Variants in MBTD1 observed in about 807,000 individuals in gnomAD.
MBTD1 encodes the protein mbt domain containing 1.
MBTD1 carries 24 observed loss-of-function variants against 87.8 expected under a neutral mutation model. The ratio of observed to expected loss-of-function variants is 0.27; its 90% confidence interval spans 0.20 to 0.38. The LOEUF is 0.38. Among genes scored for constraint, MBTD1 ranks in the 10% least tolerant of loss-of-function variants. The pLI, the probability that MBTD1 is intolerant of heterozygous loss-of-function variation, is 1.00. For synonymous variants in MBTD1, 237 were observed against 248.6 expected (o/e 0.95, Z 0.44); for missense variants, 436 against 760.2 (o/e 0.57, Z 5.02).
chr17:51,259,259 TCCA>T (rs1427451773), intron 1 of MBTD1, 53 bp from the exon 2 acceptor site: 4 of 1,231,794 alleles, frequency 3.2e-6, no homozygotes, highest in Non-Finnish European at 4.0e-6. Flanking sequence ...GTCACAGAAG[TCCA>T]CCGACTTGAA....
chr17:51,202,981 C>T (rs775111116), intron 9 of MBTD1, 46 bp from the exon 10 acceptor site: 1 of 1,482,246 alleles, frequency 6.7e-7, no homozygotes, highest in Non-Finnish European at 9.4e-7. Flanking sequence ...TGACAAAGGT[C>T]TACAAGAAAT....
intron 8 of MBTD1, among the ~76,000 whole-genome samples, chr17:51,203,560 A>G (rs1331256598): frequency 6.6e-6 from 1 of 152,044 alleles, no homozygotes; most frequent in Non-Finnish European, 1.5e-5. Flanking sequence ...ATGCACCACC[A>G]TGCCCAGCTA....
At position 51,177,528 on chromosome 17, in the gene MBTD1, A is replaced by C. The variant is rs1430808975; in HGVS notation, c.*3048T>G. 6.6e-6 allele frequency: 1 copy of C among 152,246 alleles called. No homozygotes were observed. The highest frequency in any genetic ancestry group is 1.9e-4 in the East Asian group (1 of 5,206). 9.4% of individuals were successfully genotyped at this position (152,246 alleles called of 1,614,324 possible). On this transcript the variant is annotated 3_prime_UTR_variant, in exon 17 of 17. Transcript: ENST00000586178. ...TTAATGCTTTTCACATCCATGCTGA[A>C]AATTTGCAATTTGGTAAAAATGAAA...
chr17:51,199,378 T>C (rs549060056), intron 12 of MBTD1, among the ~76,000 whole-genome samples: 3 of 151,934 alleles, frequency 2.0e-5, no homozygotes, highest in African/African-American at 7.2e-5. Flanking sequence ...GTAATTGTAA[T>C]AAAAAAAGGG....
At chr17:51,213,175 A>T (rs747342437) in intron 6 of MBTD1, among the ~76,000 whole-genome samples, 47 of 152,108 alleles carry the variant, frequency 3.1e-4, no homozygotes, top group Non-Finnish European at 1.9e-4. Context: ...AGTAGCTGGG[A>T]CTACAGGCAT....
At chr17:51,214,057 A>T (rs1196220276) in intron 6 of MBTD1, among the ~76,000 whole-genome samples, 1 of 152,156 alleles carries the variant, frequency 6.6e-6, no homozygotes, top group Admixed American at 6.5e-5. Context: ...GTATGTGTGT[A>T]TATATATGTA....
At chr17:51,196,757 G>A (rs779803704) in intron 12 of MBTD1, among the ~76,000 whole-genome samples, 6 of 151,610 alleles carry the variant, frequency 4.0e-5, no homozygotes, top group Non-Finnish European at 7.4e-5. Flanking sequence ...CAGGCATGGC[G>A]GTGGGGGCCT....
chr17:51,179,079 G>A lies in MBTD1; in HGVS notation c.*1497C>T, dbSNP rs532028493. 1.3e-5 allele frequency: 2 copies of A among 152,134 alleles called. No individual in the cohort carries two copies. Among genetic ancestry groups the A allele is most frequent in the African/African-American group, 4.8e-5 (2 of 41,498 alleles). 9.4% of individuals were successfully genotyped at this position (152,134 alleles called of 1,614,324 possible). On this transcript the variant is annotated 3_prime_UTR_variant, in exon 17 of 17. Transcript: ENST00000586178. ...AAAGTCTTACCTAAAATGGTCTCCT[G>A]GGGCTTTCCATTAACATTTTTTAAA...
chr17:51,252,651 T>C (rs1038494543), intron 2 of MBTD1, among the ~76,000 whole-genome samples: 16 of 151,954 alleles, frequency 1.1e-4, no homozygotes, highest in African/African-American at 3.6e-4. Flanking sequence ...GAAGAATCAC[T>C]TGAACCCGGG....
chr17:51,222,081 G>A (rs12943887), intron 3 of MBTD1, among the ~76,000 whole-genome samples: 590 of 152,270 alleles, frequency 3.9e-3, no homozygotes, highest in Non-Finnish European at 7.1e-3. Context: ...GTGATCCCAA[G>A]GAAACAGTGA....
intron 2 of MBTD1, among the ~76,000 whole-genome samples, chr17:51,231,808 A>G (rs543095760): frequency 1.8e-3 from 265 of 146,864 alleles, no homozygotes; most frequent in African/African-American, 6.2e-3. Context: ...TTCTGAAGTG[A>G]TTTTTTTTTT....
At chr17:51,233,060 C>A (rs371902581) in intron 2 of MBTD1, among the ~76,000 whole-genome samples, 7 of 40,508 alleles carry the variant, frequency 1.7e-4, no homozygotes, top group Admixed American at 4.9e-4. Flanking sequence ...CTTCCCTCAC[C>A]AAAAAAAAAA....
chr17:51,260,792 A>C (rs2055436575), upstream of MBTD1: 2 of 1,579,848 alleles, frequency 1.3e-6, no homozygotes, highest in African/African-American at 1.3e-5. Context: ...GGAGGAAGAG[A>C]GACGGCTCCG....
At chr17:51,249,912 C>T (rs372680313) in intron 2 of MBTD1, 22 of 152,146 alleles carry the variant, frequency 1.4e-4, no homozygotes, top group African/African-American at 5.1e-4. Context: ...AAGAACAGTT[C>T]TAGACAGGGT....
chr17:51,245,292 T>A (rs2144097324), intron 2 of MBTD1, among the ~76,000 whole-genome samples: 1 of 152,324 alleles, frequency 6.6e-6, no homozygotes, highest in East Asian at 1.9e-4. Flanking sequence ...TCTTCAAAGT[T>A]CTTGGCATTG....
At chr17:51,201,792 T>C in intron 11 of MBTD1, 96 bp from the exon 12 acceptor site, 1 of 860,644 alleles carries the variant, frequency 1.2e-6, no homozygotes. Context: ...AGGTGCCTTC[T>C]CCTACCTACC....
chr17:51,227,339 T>C (rs961554408), intron 2 of MBTD1, among the ~76,000 whole-genome samples: 48 of 151,752 alleles, frequency 3.2e-4, no homozygotes, highest in African/African-American at 1.1e-3. Context: ...GGCTGGTGGA[T>C]TGCTTGAGCC....
intron 6 of MBTD1, among the ~76,000 whole-genome samples, chr17:51,216,990 C>T (rs1360457375): frequency 6.6e-6 from 1 of 151,988 alleles, no homozygotes; most frequent in African/African-American, 2.4e-5. Flanking sequence ...TGCTTGATGC[C>T]AGGAGTTTGA....
Position 51,180,275 on chromosome 17 carries a change from A to G in MBTD1, c.*301T>C, listed in dbSNP as rs1372676266. The G allele has an allele frequency of 4.0e-6, 1 of 248,564 alleles. No individual in the cohort carries two copies. The highest frequency in any genetic ancestry group is 7.6e-6 in the Non-Finnish European group (1 of 131,068). The allele number at this position is 248,564 out of a possible 1,614,324, so 15.4% of individuals were successfully genotyped here. On this transcript the variant is annotated 3_prime_UTR_variant, in exon 17 of 17. Transcript: ENST00000586178. The stretch of plus-strand genomic sequence containing the variant: ...GCTACCTAAACTTTAATGTTACCAA[A>G]AAAGTTAGAATTTCAGTTCTTGTTA...
Sources: gnomAD v4.1 joint callset for allele counts (sites outside exome capture counted in the v4.1 genomes callset) on GRCh38, gnomAD v4.1.1 for gene constraint, MANE v1.5 for transcripts, NCBI Gene and HGNC (gene_info 2026-07-23, HGNC 2026-07-21) for gene names.